Variants in ATP8B3 observed in about 807,000 individuals in gnomAD.
ATP8B3 encodes the protein phospholipid-transporting ATPase IK.
A neutral mutation model predicts 140.9 loss-of-function variants in ATP8B3; 141 were observed. The observed-to-expected ratio is 1.00, with a 90% CI of 0.87 to 1.15. The LOEUF is 1.15. Among genes scored for constraint, ATP8B3 ranks in the 50% most tolerant of loss-of-function variants. The probability of loss-of-function intolerance (pLI) is 0.00; values close to 1 mark genes in which losing one functional copy is unlikely to be tolerated. For missense variants in ATP8B3, 1,874 were observed against 1,740.6 expected (o/e 1.08, Z -1.36); for synonymous variants, 765 against 714.6 (o/e 1.07, Z -1.13).
chr19:1,802,069 A>ATCCCCC, intron 11 of ATP8B3, 25 bp from the exon 12 acceptor site: 1 of 1,112,372 alleles, frequency 9.0e-7, no homozygotes, highest in South Asian at 1.4e-5. Flanking sequence ...CCATCTATCC[A>ATCCCCC]CCCACCCACC....
At position 1,805,315 on chromosome 19, in the gene ATP8B3, C is replaced by G. The variant is rs1344708661; in HGVS notation, c.904+59G>C. On this transcript the variant is annotated intron_variant, in intron 10 of 28. Transcript: ENST00000310127. This position sits in a 1 kb window ranked among gnomAD's most constrained non-coding sequence, Gnocchi z 5.2. Reference sequence around the variant, plus strand: ...AAACAGTAATAACAACAACAAAATACCCTAACTTTTAACTTTTACAGATTC... The same window carrying G: ...AAACAGTAATAACAACAACAAAATAGCCTAACTTTTAACTTTTACAGATTC... The G allele has an allele frequency of 1.4e-6, 2 of 1,463,274 alleles. No homozygotes were observed. The highest frequency in any genetic ancestry group is 2.8e-5 in the African/African-American group (2 of 71,074). The allele number at this position is 1,463,274 out of a possible 1,614,324, so 90.6% of individuals were successfully genotyped here. A position where few individuals can be genotyped will look rare whatever the true frequency, so the allele number is the denominator to read the frequency against.
At chr19:1,784,047 G>C (rs1380069761) in intron 28 of ATP8B3, among the ~76,000 whole-genome samples, 7 of 152,182 alleles carry the variant, frequency 4.6e-5, no homozygotes, top group Admixed American at 4.6e-4. Context: ...CTGTGTCAGA[G>C]CCTCACTCCT....
At position 1,785,402 on chromosome 19, in the gene ATP8B3, G is replaced by A. The variant is rs2145169054; in HGVS notation, c.3393+67C>T. On this transcript the variant is annotated intron_variant, in intron 26 of 28. Transcript: ENST00000310127. ...CACCTGGCAATGCCCCCAAAGCAGG[G>A]GTCCCCAGGGGAGGAGGCCTCCATA... The A allele has an allele frequency of 1.9e-6, 3 of 1,573,322 alleles. No homozygotes were observed. In the South Asian group the frequency reaches 3.5e-5, roughly 18 times the overall value.
chr19:1,789,984 A>T lies in ATP8B3; in HGVS notation c.2384T>A (p.Ile795Asn). 6.2e-7 allele frequency: 1 copy of T among 1,600,676 alleles called. No homozygotes were observed. Residue 795 changes from isoleucine (I) to asparagine (N), a missense_variant, in exon 22 of 29, where the codon ATC (isoleucine) becomes AAC (asparagine). Physicochemically the swap from Ile to Asn is moderately radical, Grantham distance 149. Coordinates refer to ENST00000310127, the MANE Select transcript of ATP8B3 (RefSeq NM_138813.4). ...ACTGTTTTCCCAGTAGGTCTCCAGGATGCGGCTGCGGGGCGCAGGGGTCAG... is the reference window on the plus strand; with the variant it reads ...ACTGTTTTCCCAGTAGGTCTCCAGGTTGCGGCTGCGGGGCGCAGGGGTCAG... Reference protein sequence around the residue: ...LILEEKEISRILETYWENSNN... With the variant: ...LILEEKEISRNLETYWENSNN...
chr19:1,784,721 G>T, intron 28 of ATP8B3, 98 bp downstream of exon 28: 1 of 1,416,112 alleles, frequency 7.1e-7, no homozygotes, highest in Non-Finnish European at 9.4e-7. Flanking sequence ...AGGGCCGAGA[G>T]GGGCCGGGAC....
chr19:1,789,518 C>A lies in ATP8B3; in HGVS notation c.2688G>T (p.Glu896Asp). The A allele has an allele frequency of 1.3e-6, 2 of 1,598,420 alleles. No homozygotes were observed. The highest frequency in any genetic ancestry group is 1.7e-6 in the Non-Finnish European group (2 of 1,179,062). Residue 896 changes from glutamate (E) to aspartate (D), a missense_variant, in exon 23 of 29, where the codon GAG becomes GAT. By Grantham distance (45) the Glu-to-Asp change is conservative. This residue lies in a region of ATP8B3 where 840 missense variants were observed against 760.9 expected (regional missense o/e 1.10). Coordinates refer to ENST00000310127, the MANE Select transcript of ATP8B3 (RefSeq NM_138813.4). ...RARRSSEVLQ[E>D]RAFVDLASKC... Reference sequence around the variant, plus strand: ...TGGACGCCAGGTCCACGAAGGCGCGCTCCTGCAGCACCTCGGAGCTACGGC... The same window carrying A: ...TGGACGCCAGGTCCACGAAGGCGCGATCCTGCAGCACCTCGGAGCTACGGC...
chr19:1,810,374 C>T (rs1180258503), intron 3 of ATP8B3, among the ~76,000 whole-genome samples: 1 of 152,220 alleles, frequency 6.6e-6, no homozygotes, highest in Non-Finnish European at 1.5e-5. Context: ...TCAAGTGATT[C>T]TCCTGTCTCA....
At chr19:1,796,658 G>C in intron 16 of ATP8B3, 53 bp downstream of exon 16, 1 of 1,573,698 alleles carries the variant, frequency 6.4e-7, no homozygotes, top group South Asian at 1.2e-5. Flanking sequence ...TGGGGACACT[G>C]CCGTGCCCCG....
In ATP8B3 at chr19:1,800,101, C is replaced by T. The variant is rs1246723063; in HGVS notation, c.1398G>A (p.Met466Ile). Residue 466 changes from methionine (M) to isoleucine (I), a missense_variant, in exon 14 of 29, where the codon ATG (methionine) becomes ATA (isoleucine). Around this residue, in one of 3 missense-constraint regions of ATP8B3, gnomAD observed 1,032 missense variants for 963.6 expected, o/e 1.07. Transcript: ENST00000310127. The surrounding 1 kb of genome is among the most constrained non-coding windows in gnomAD (Gnocchi z 4.4). ...CAGGCACGTCCTGCGGCTTGTAGTA[C>T]ATCTGCACGTCCCAGTCGATGAAGA... is the stretch of plus-strand genomic sequence containing the variant. ...NSVFIDWDVQMYYKPQDVPAK... is the reference protein window; with the variant it reads ...NSVFIDWDVQIYYKPQDVPAK... The T allele has an allele frequency of 3.8e-6, 6 of 1,569,266 alleles. No individual in the cohort carries two copies. In the South Asian group the frequency reaches 4.7e-5, roughly 12 times the overall value.
In ATP8B3 at chr19:1,785,490, G is replaced by C. The variant is rs1041004564; in HGVS notation, c.3372C>G (p.Cys1124Trp). 5 of 1,612,954 alleles carry C rather than the reference G, an allele frequency of 3.1e-6. No homozygotes were observed. The highest frequency in any genetic ancestry group is 8.5e-7 in the Non-Finnish European group (1 of 1,179,860). ...QSFAVVVALS[C>W]LLSITMEVIL... The stretch of plus-strand genomic sequence containing the variant: ...CCACCTCCATGGTGATGGACAGCAG[G>C]CAAGACAGGGCCACCACGACCGCAA... Residue 1124 changes from cysteine to tryptophan, a missense_variant, in exon 26 of 29, where the codon TGC becomes TGG. Cys to Trp is a radical substitution (Grantham distance 215). Around this residue, in one of 3 missense-constraint regions of ATP8B3, gnomAD observed 840 missense variants for 760.9 expected, o/e 1.10. Transcript: ENST00000310127.
intron 12 of ATP8B3, among the ~76,000 whole-genome samples, chr19:1,801,338 A>G (rs2068841146): frequency 6.6e-6 from 1 of 151,978 alleles, no homozygotes; most frequent in Non-Finnish European, 1.5e-5. Context: ...TTCTGTAGAG[A>G]CGGGGTTTCA....
chr19:1,802,017 C>G lies in ATP8B3; in HGVS notation c.1091G>C (p.Cys364Ser), dbSNP rs1301026083. The G allele has an allele frequency of 1.2e-6, 2 of 1,612,384 alleles. No homozygotes were observed. The highest frequency in any genetic ancestry group is 1.7e-6 in the Non-Finnish European group (2 of 1,179,690). ...AGFDTKIMKNCGKIHLKRTKL... is the reference protein window; with the variant it reads ...AGFDTKIMKNSGKIHLKRTKL... ...GGTTCTCTTCAAATGGATCTTGCCA[C>G]AGTTCTTCATAATTTTTGTGTCAAA... The change falls in exon 12 of 29, where the codon TGT (cysteine) becomes TCT (serine). Residue 364 changes from cysteine (C) to serine (S), a missense_variant. Around this residue, in one of 3 missense-constraint regions of ATP8B3, gnomAD observed 1,032 missense variants for 963.6 expected, o/e 1.07. Transcript: ENST00000310127.
Position 1,788,946 on chromosome 19 carries a change from C to T in ATP8B3, c.3020G>A (p.Ser1007Asn), listed in dbSNP as rs1290901199. Residue 1007 changes from serine to asparagine, a missense_variant, in exon 24 of 29, where the codon AGC becomes AAC. Physicochemically the swap from Ser to Asn is conservative, Grantham distance 46 (BLOSUM62 1). Coordinates refer to ENST00000310127, the MANE Select transcript of ATP8B3 (RefSeq NM_138813.4). The part of the protein sequence containing the change: ...LRYFFYKSMA[S>N]MMVQVWFACY... The stretch of plus-strand genomic sequence containing the variant: ...GGCAAACCAGACCTGCACCATCATG[C>T]TGGCCATGCTCTTGTAGAAGAAGTA... 2 of 1,607,884 alleles carry T rather than the reference C, an allele frequency of 1.2e-6. No homozygotes were observed. The highest frequency in any genetic ancestry group is 2.2e-5 in the East Asian group (1 of 44,664).
chr19:1,796,265 T>C lies in ATP8B3; in HGVS notation c.1754A>G (p.Asp585Gly). The change falls in exon 17 of 29, where the codon GAC (aspartate) becomes GGC (glycine). Residue 585 changes from aspartate to glycine, a missense_variant and splice_region_variant. Asp to Gly is a moderately conservative substitution (Grantham distance 94). This residue lies in a region of ATP8B3 where 1,032 missense variants were observed against 963.6 expected (regional missense o/e 1.07). Transcript: ENST00000310127. The stretch of plus-strand genomic sequence containing the variant: ...GGAGGCCGCCTGGTACAACAGCTGG[T>C]CTGGTAGGGAGGGGGGCCATTTTGG... ...MVRESPRERP[D>G]QLLYQAASPD... 6.2e-7 allele frequency: 1 copy of C among 1,606,508 alleles called. No homozygotes were observed. The highest frequency in any genetic ancestry group is 1.1e-5 in the South Asian group (1 of 90,370).
At chr19:1,792,565 G>A (rs1465581326) in intron 18 of ATP8B3, among the ~76,000 whole-genome samples, 1 of 142,288 alleles carries the variant, frequency 7.0e-6, no homozygotes, top group East Asian at 2.0e-4. Context: ...GGGCGACAAA[G>A]TGAGACTCCA....
Position 1,807,090 on chromosome 19 carries a change from ACT to A in ATP8B3, c.615+76_615+77del, listed in dbSNP as rs2069047385. On this transcript the variant is annotated intron_variant, in intron 6 of 28. Transcript: ENST00000310127. This position sits in a 1 kb window ranked among gnomAD's most constrained non-coding sequence, Gnocchi z 5.9. ...CTCCAGGAAGCCCAGCCCTCCTCCC[ACT>A]CTCGCCCAGGGATCAAGAGACCCCC... is the stretch of plus-strand genomic sequence containing the variant. 9 of 1,310,396 alleles carry A rather than the reference ACT, an allele frequency of 6.9e-6. No individual in the cohort carries two copies. The highest frequency in any genetic ancestry group is 9.8e-6 in the Non-Finnish European group (9 of 915,588). The allele number at this position is 1,310,396 out of a possible 1,614,324, so 81.2% of individuals were successfully genotyped here.
chr19:1,791,256 G>T (rs1444992407), intron 20 of ATP8B3, among the ~76,000 whole-genome samples: 1 of 151,980 alleles, frequency 6.6e-6, no homozygotes, highest in Non-Finnish European at 1.5e-5. Context: ...TGTCACCCAG[G>T]CTGGAGGGCA....
intron 24 of ATP8B3, among the ~76,000 whole-genome samples, chr19:1,788,558 G>C (rs1038110231): frequency 6.6e-6 from 1 of 152,222 alleles, no homozygotes; most frequent in Admixed American, 6.5e-5. Context: ...GTGGAGGCAA[G>C]AGAATCACTT....
intron 25 of ATP8B3, 125 bp downstream of exon 25, chr19:1,786,977 AC>A: frequency 1.2e-6 from 1 of 823,540 alleles, no homozygotes. Flanking sequence ...ACTGGACTGC[AC>A]CCCCTGAGCC....
Sources: gnomAD v4.1 joint callset for allele counts (sites outside exome capture counted in the v4.1 genomes callset) on GRCh38, gnomAD v4.1.1 for gene constraint, gnomAD v4.1.1 regional missense constraint, Gnocchi (gnomAD v3.1) non-coding constraint, MANE v1.5 for transcripts, NCBI Gene and HGNC (gene_info 2026-07-23, HGNC 2026-07-21) for gene names.